The following AKAP13 variants were observed in gnomAD, a reference collection of about 807,000 sequenced individuals.
AKAP13 encodes the protein A-kinase anchoring protein 13.
Under a neutral mutation model 264.5 loss-of-function variants are expected in AKAP13, and 80 were observed. The ratio of observed to expected loss-of-function variants is 0.30; its 90% CI spans 0.25 to 0.36. The LOEUF (loss-of-function observed/expected upper bound fraction) is 0.36. AKAP13 is among the 10% of genes least tolerant of loss of function. AKAP13 has a pLI of 1.00. For missense variants in AKAP13, 3,712 were observed against 3,435.2 expected (o/e 1.08, Z -2.01); for synonymous variants, 1,380 against 1,250.2 (o/e 1.10, Z -2.19).
chr15:85,651,691 G>A (rs1293785455), intron 10 of AKAP13: 2 of 152,140 alleles, frequency 1.3e-5, no homozygotes, highest in African/African-American at 4.8e-5. Flanking sequence ...GCAGGGTACA[G>A]ACTATAAGCA....
chr15:85,675,288 A>G (rs2084162893), intron 14 of AKAP13, among the ~76,000 whole-genome samples: 1 of 152,216 alleles, frequency 6.6e-6, no homozygotes, highest in Non-Finnish European at 1.5e-5. Context: ...CTTTTGCACA[A>G]GACTCTGCCT....
At chr15:85,735,804 A>C (rs1168331891) in intron 32 of AKAP13, among the ~76,000 whole-genome samples, 174 bp downstream of exon 32, 1 of 152,204 alleles carries the variant, frequency 6.6e-6, no homozygotes, top group East Asian at 1.9e-4. Context: ...AGAGCTCCAC[A>C]TTATTGGCTG....
At chr15:85,686,651 T>C (rs1170147189) in intron 16 of AKAP13, among the ~76,000 whole-genome samples, 1 of 152,088 alleles carries the variant, frequency 6.6e-6, no homozygotes, top group Non-Finnish European at 1.5e-5. Flanking sequence ...TTTACCAGTA[T>C]TCTACGTATT....
Position 85,520,627 on chromosome 15 carries a change from G to A in AKAP13, c.34-801G>A, listed in dbSNP as rs767810915. 9.6e-6 allele frequency: 5 copies of A among 518,314 alleles called. 1 individual carries two copies. The highest frequency in any genetic ancestry group is 7.0e-5 in the South Asian group (5 of 71,534). 32.1% of individuals were successfully genotyped at this position (518,314 alleles called of 1,614,324 possible). On this transcript the variant is annotated intron_variant, in intron 2 of 36. Transcript: ENST00000394518. The stretch of plus-strand genomic sequence containing the variant: ...GATTTTATGGGATTAATGTAGGGGT[G>A]GATAAAGAAGAGTAGGAATGTCAGA...
At position 85,555,374 on chromosome 15, in the gene AKAP13, G is replaced by A. The variant is rs115329846; in HGVS notation, c.662+11419G>A. On this transcript the variant is annotated intron_variant, in intron 5 of 36. Coordinates refer to ENST00000394518, the MANE Select transcript of AKAP13 (RefSeq NM_007200.5). ...TCCTTGTCAGAAGTAAACTTGGAGC[G>A]AAACACGCCTTTAGGAGGGGTAACC... The A allele has an allele frequency of 1.2e-4, 148 of 1,234,864 alleles. No individual in the cohort carries two copies. The African/African-American group carries it at 1.9e-3, about 16-fold the overall frequency. 76.5% of individuals were successfully genotyped at this position (1,234,864 alleles called of 1,614,324 possible). A position where few individuals can be genotyped will look rare whatever the true frequency, so the allele number is the denominator to read the frequency against.
At chr15:85,600,578 A>G (rs2080017396) in intron 8 of AKAP13, among the ~76,000 whole-genome samples, 1 of 152,244 alleles carries the variant, frequency 6.6e-6, no homozygotes, top group Non-Finnish European at 1.5e-5. Flanking sequence ...TTAAATATTG[A>G]CATCCATTTT....
At chr15:85,711,790 A>G (rs867533150) in intron 19 of AKAP13, among the ~76,000 whole-genome samples, 3 of 152,204 alleles carry the variant, frequency 2.0e-5, no homozygotes, top group South Asian at 4.1e-4. Context: ...TGTGAATCAC[A>G]AACCGTGGGA....
At chr15:85,460,661 T>G (rs1743239398) in intron 1 of AKAP13, among the ~76,000 whole-genome samples, 1 of 152,198 alleles carries the variant, frequency 6.6e-6, no homozygotes, top group Admixed American at 6.5e-5. Context: ...GATGGGCCAG[T>G]CTAATCATAG....
At position 85,730,514 on chromosome 15, in the gene AKAP13, A is replaced by G. The variant is rs116261620; in HGVS notation, c.7089A>G (p.Glu2363=). 1 of 1,613,522 alleles carries G rather than the reference A, an allele frequency of 6.2e-7. No individual in the cohort carries two copies. Among genetic ancestry groups the G allele is most frequent in the Non-Finnish European group, 8.5e-7 (1 of 1,179,544 alleles). Residue 2363 remains glutamate (E), a splice_region_variant and synonymous_variant, in exon 30 of 37, where the codon GAA becomes GAG. Coordinates refer to ENST00000394518, the MANE Select transcript of AKAP13 (RefSeq NM_007200.5). The part of the protein sequence containing the change: ...MLDTRARELK[E]QLHQKDQKIL... ...CAGATCATTTTCTCCTTCCTGCAGA[A>G]CAACTTCACCAGAAGGACCAAAAAA...
chr15:85,463,192 GAC>G (rs2074590621), intron 1 of AKAP13, among the ~76,000 whole-genome samples: 1 of 152,034 alleles, frequency 6.6e-6, no homozygotes, highest in Admixed American at 6.5e-5. Flanking sequence ...GAAAATGTGG[GAC>G]AGTCTTTAAA....
chr15:85,619,697 T>C, intron 8 of AKAP13: 1 of 994,060 alleles, frequency 1.0e-6, no homozygotes, highest in Non-Finnish European at 1.2e-6. Context: ...CCTACGTGTA[T>C]CGGCCGTTAT....
At chr15:85,732,801 CTATTAA>C (rs1398351331) in intron 30 of AKAP13, among the ~76,000 whole-genome samples, 1 of 150,386 alleles carries the variant, frequency 6.6e-6, no homozygotes, top group Non-Finnish European at 1.5e-5. Context: ...ATTACTATTA[CTATTAA>C]CTAATACTAA....
chr15:85,495,619 T>C (rs1250127604), intron 2 of AKAP13, among the ~76,000 whole-genome samples: 2 of 152,184 alleles, frequency 1.3e-5, no homozygotes, highest in Non-Finnish European at 2.9e-5. Context: ...AGATGTGAGA[T>C]TTCAATTTTT....
chr15:85,585,637 T>C (rs1480879079), intron 7 of AKAP13, 65 bp from the exon 8 acceptor site: 11 of 1,602,562 alleles, frequency 6.9e-6, no homozygotes, highest in Non-Finnish European at 9.4e-6. Flanking sequence ...GAGCATGTTG[T>C]ATGAATAGTA....
rs1039310130 is a variant in AKAP13 at position 85,380,796 on chromosome 15, A to T, written c.-14A>T. On this transcript the variant is annotated splice_region_variant and 5_prime_UTR_variant, in exon 1 of 37. Coordinates refer to ENST00000394518, the MANE Select transcript of AKAP13 (RefSeq NM_007200.5). Reference sequence around the variant, plus strand: ...CCCGCGGGGGAGCCCCGGGAGCCGCACGGTGAGAGCGCAACTTAGTTGGCG... The same window carrying T: ...CCCGCGGGGGAGCCCCGGGAGCCGCTCGGTGAGAGCGCAACTTAGTTGGCG... The T allele has an allele frequency of 6.6e-6, 1 of 152,596 alleles. No homozygotes were observed. Among genetic ancestry groups the T allele is most frequent in the Non-Finnish European group, 1.5e-5 (1 of 68,112 alleles). 9.5% of individuals were successfully genotyped at this position (152,596 alleles called of 1,614,324 possible).
intron 10 of AKAP13, among the ~76,000 whole-genome samples, chr15:85,652,097 T>G (rs974117534): frequency 5.9e-5 from 9 of 152,350 alleles, no homozygotes; most frequent in African/African-American, 1.9e-4. Flanking sequence ...GTAGAAATCA[T>G]GTAGTTTCAG....
chr15:85,503,697 C>T (rs1009481612), intron 2 of AKAP13, among the ~76,000 whole-genome samples: 2 of 152,152 alleles, frequency 1.3e-5, no homozygotes, highest in African/African-American at 4.8e-5. Context: ...GTAAAGGAGG[C>T]CCTTCATCTG....
In AKAP13 at chr15:85,744,699, C is replaced by T. The variant is rs1439531106; in HGVS notation, c.*22C>T. On this transcript the variant is annotated 3_prime_UTR_variant, in exon 37 of 37. Coordinates refer to ENST00000394518, the MANE Select transcript of AKAP13 (RefSeq NM_007200.5). ...CTGACCCTCTTCCTCTCTGCTGAGG[C>T]AGCTGCCTCCTGATCCTGGCCAGCC... 1 of 1,585,084 alleles carries T rather than the reference C, an allele frequency of 6.3e-7. No individual in the cohort carries two copies. Among genetic ancestry groups the T allele is most frequent in the Non-Finnish European group, 8.6e-7 (1 of 1,166,934 alleles).
intron 5 of AKAP13, among the ~76,000 whole-genome samples, chr15:85,546,359 C>CACACACACACACAG (rs2077744123): frequency 6.6e-6 from 1 of 150,524 alleles, no homozygotes. Context: ...CACACACACA[C>CACACACACACACAG]AGCCAAAAGT....
Sources: gnomAD v4.1 joint callset for allele counts (sites outside exome capture counted in the v4.1 genomes callset) on GRCh38, gnomAD v4.1.1 for gene constraint, MANE v1.5 for transcripts, NCBI Gene and HGNC (gene_info 2026-07-23, HGNC 2026-07-21) for gene names.